The following MMEL1 variants were observed in gnomAD, a reference collection of about 807,000 sequenced individuals.
The protein encoded by MMEL1 is membrane metalloendopeptidase like 1.
MMEL1 carries 98 observed loss-of-function variants against 117.1 expected under a neutral mutation model. The observed-to-expected ratio is 0.84, with a 90% CI of 0.71 to 0.99. The LOEUF (loss-of-function observed/expected upper bound fraction) is 0.99. MMEL1 is among the 50% of genes least tolerant of loss of function. The pLI, the probability that MMEL1 is intolerant of heterozygous loss-of-function variation, is 0.00. For missense variants in MMEL1, 1,014 were observed against 1,049.1 expected (o/e 0.97, Z 0.46); for synonymous variants, 390 against 415.1 (o/e 0.94, Z 0.74).
chr1:2,609,919 A>T, intron 4 of MMEL1, 88 bp from the exon 5 acceptor site: 1 of 1,437,160 alleles, frequency 7.0e-7, no homozygotes, highest in Non-Finnish European at 9.4e-7. Flanking sequence ...TCCAAGACAC[A>T]GCCTGGTCCC....
At chr1:2,619,862 C>G (rs1645264853) in intron 2 of MMEL1, among the ~76,000 whole-genome samples, 1 of 152,014 alleles carries the variant, frequency 6.6e-6, no homozygotes, top group South Asian at 2.1e-4. Context: ...TTCTAAAGAA[C>G]TGACCCAGAA....
intron 13 of MMEL1, among the ~76,000 whole-genome samples, chr1:2,597,965 A>C (rs1317538463): frequency 3.3e-5 from 5 of 152,110 alleles, no homozygotes; most frequent in African/African-American, 1.2e-4. Context: ...TCCCCGGAGC[A>C]GTGCTCCCTG....
At position 2,606,262 on chromosome 1, in the gene MMEL1, G is replaced by A. The variant is rs750057610; in HGVS notation, c.736C>T (p.Arg246Trp). 3.2e-5 allele frequency: 51 copies of A among 1,613,100 alleles called. No individual in the cohort carries two copies. Among genetic ancestry groups the A allele is most frequent in the African/African-American group, 1.1e-4 (8 of 74,944 alleles). ...FIWNDDQNSS[R>W]HIIYIDQPTL... ...GCGGCTCGTACGTAGATGATGTGCC[G>A]GCTGGAGTTCTGGTCGTCGTTCCAG... The change falls in exon 8 of 24, where the codon CGG becomes TGG. Residue 246 changes from arginine (R) to tryptophan (W), a missense_variant. Transcript: ENST00000378412.
intron 1 of MMEL1, among the ~76,000 whole-genome samples, chr1:2,632,104 C>A (rs192333304): frequency 3.6e-4 from 55 of 151,404 alleles, no homozygotes; most frequent in African/African-American, 1.2e-3. Flanking sequence ...CCCTCCCCAC[C>A]CACCCAGGCA....
intron 9 of MMEL1, among the ~76,000 whole-genome samples, chr1:2,604,864 C>G (rs1644996561): frequency 1.3e-5 from 2 of 152,188 alleles, no homozygotes. Flanking sequence ...TTGAGACACT[C>G]CAGTCCCTCC....
chr1:2,604,640 G>A (rs1164811419), intron 9 of MMEL1, among the ~76,000 whole-genome samples: 2 of 151,886 alleles, frequency 1.3e-5, no homozygotes, highest in East Asian at 3.9e-4. Flanking sequence ...GTGCCAGGGT[G>A]GTGGGTGCCG....
chr1:2,591,171 C>A (rs2100920157), intron 23 of MMEL1, 82 bp from the exon 24 acceptor site: 1 of 925,240 alleles, frequency 1.1e-6, no homozygotes. Context: ...GATTAAAAAC[C>A]AGCCCAAAAC....
chr1:2,596,889 T>C (rs1219050866), intron 13 of MMEL1, among the ~76,000 whole-genome samples, 200 bp from the exon 14 acceptor site: 1 of 152,002 alleles, frequency 6.6e-6, no homozygotes, highest in Non-Finnish European at 1.5e-5. Context: ...GGTATTGTGA[T>C]TGGGGAACTT....
rs1645120532 is a variant in MMEL1, at chr1:2,611,190, T to G, written c.292+91A>C. On this transcript the variant is annotated intron_variant, in intron 4 of 23. Transcript: ENST00000378412. ...ACCGCCCGCCGTGTCTTGGAGTTGC[T>G]TCCCTGGGCCTTGGGCGGGGCCTAC... is the stretch of plus-strand genomic sequence containing the variant. The G allele has an allele frequency of 2.3e-6, 3 of 1,320,638 alleles. No individual in the cohort carries two copies. The South Asian group carries it at 3.9e-5, about 17-fold the overall frequency. The allele number at this position is 1,320,638 out of a possible 1,614,324, so 81.8% of individuals were successfully genotyped here.
rs537931823 is a variant in MMEL1, at chr1:2,615,019, G to A, written c.155-2815C>T. Among the ~76,000 whole-genome samples, 8 of 152,144 alleles carry A rather than the reference G, an allele frequency of 5.3e-5. No homozygotes were observed. In the South Asian group the frequency reaches 1.7e-3, roughly 32 times the overall value. ...AATTTGAGCAATGCAATATAGCAGT[G>A]GATTATAATGCAAAGTGTAAAATAA... On this transcript the variant is annotated intron_variant, in intron 2 of 23. Transcript: ENST00000378412.
At chr1:2,630,358 G>A (rs779989312) in intron 1 of MMEL1, among the ~76,000 whole-genome samples, 5 of 152,202 alleles carry the variant, frequency 3.3e-5, no homozygotes, top group African/African-American at 7.2e-5. Context: ...ATGACTGTGC[G>A]TGTGTGCATA....
At chr1:2,625,302 G>A (rs1207803344) in intron 2 of MMEL1, among the ~76,000 whole-genome samples, 1 of 152,188 alleles carries the variant, frequency 6.6e-6, no homozygotes, top group Non-Finnish European at 1.5e-5. Context: ...TTGGATTCTG[G>A]AGGCAGCACA....
At chr1:2,596,782 C>G in intron 13 of MMEL1, 93 bp from the exon 14 acceptor site, 1 of 1,488,422 alleles carries the variant, frequency 6.7e-7, no homozygotes, top group South Asian at 1.2e-5. Flanking sequence ...GCAGACCCAC[C>G]TATCCTCAGC....
chr1:2,608,538 C>T lies in MMEL1; in HGVS notation c.535+801G>A, dbSNP rs1645067651. 1.6e-5 allele frequency among the ~76,000 whole-genome samples: 2 copies of T among 124,848 alleles called. 1 individual carries two copies. The highest frequency in any genetic ancestry group is 5.8e-4 in the South Asian group (2 of 3,478). The allele number at this position is 124,848 out of a possible 152,430, so 81.9% of individuals were successfully genotyped here. A position where few individuals can be genotyped will look rare whatever the true frequency, so the allele number is the denominator to read the frequency against. On this transcript the variant is annotated intron_variant, in intron 6 of 23. Coordinates refer to ENST00000378412, the MANE Select transcript of MMEL1 (RefSeq NM_033467.4). ...ACATATACACACATACACATACACA[C>T]ATACACATACACACATATACACATG...
chr1:2,611,221 T>G, intron 4 of MMEL1, 60 bp downstream of exon 4: 1 of 1,493,130 alleles, frequency 6.7e-7, no homozygotes, highest in Non-Finnish European at 9.1e-7. Context: ...CCTACGTCAG[T>G]GTCAGCCGGG....
chr1:2,630,910 T>C (rs1230339693), intron 1 of MMEL1, among the ~76,000 whole-genome samples: 1 of 150,754 alleles, frequency 6.6e-6, no homozygotes, highest in African/African-American at 2.4e-5. Flanking sequence ...TGTGCTCTTG[T>C]GTGTGCATGT....
chr1:2,593,306 G>C (rs531113769), intron 19 of MMEL1, among the ~76,000 whole-genome samples: 1 of 152,218 alleles, frequency 6.6e-6, no homozygotes, highest in African/African-American at 2.4e-5. Flanking sequence ...AGAGGAGTAC[G>C]TGGTCCCTGG....
chr1:2,623,098 G>A (rs1645315057), intron 2 of MMEL1, among the ~76,000 whole-genome samples: 1 of 151,866 alleles, frequency 6.6e-6, no homozygotes, highest in Non-Finnish European at 1.5e-5. Context: ...GAACCCAGGA[G>A]GCAGAGGTTG....
chr1:2,590,834 G>A lies in MMEL1; in HGVS notation c.*156C>T, dbSNP rs1335483924. On this transcript the variant is annotated 3_prime_UTR_variant, in exon 24 of 24. Coordinates refer to ENST00000378412, the MANE Select transcript of MMEL1 (RefSeq NM_033467.4). The stretch of plus-strand genomic sequence containing the variant: ...CTGCTCATCCCTGGGTGTCAGGCAG[G>A]TGGCTGCACCCTAGGCCAGGCGCAG... 4 of 501,964 alleles carry A rather than the reference G, an allele frequency of 8.0e-6. No homozygotes were observed. Among genetic ancestry groups the A allele is most frequent in the Non-Finnish European group, 1.0e-5 (3 of 299,804 alleles). The allele number at this position is 501,964 out of a possible 1,614,324, so 31.1% of individuals were successfully genotyped here.
Sources: allele counts gnomAD v4.1 joint callset (sites outside exome capture counted in the v4.1 genomes callset), GRCh38; gene constraint gnomAD v4.1.1; transcripts MANE v1.5; gene names NCBI Gene and HGNC (gene_info 2026-07-23, HGNC 2026-07-21).